The following CTNNA3 variants were observed in gnomAD, a reference collection of about 807,000 sequenced individuals.
CTNNA3 encodes catenin alpha 3, also known as catenin alpha-3.
Under a neutral mutation model 95.7 loss-of-function variants are expected in CTNNA3, and 76 were observed. The ratio of observed to expected loss-of-function variants is 0.79; its 90% CI spans 0.66 to 0.96. The LOEUF (loss-of-function observed/expected upper bound fraction) is 0.96. Ranked by LOEUF, CTNNA3 falls within the 40% of genes least tolerant of loss-of-function variation. The probability of loss-of-function intolerance (pLI) is 0.00; values close to 1 mark genes in which losing one functional copy is unlikely to be tolerated. For synonymous variants in CTNNA3, 431 were observed against 374.4 expected, an observed-to-expected ratio of 1.15 and a Z score of -1.74; for missense variants, 1,191 against 1,089.8, an observed-to-expected ratio of 1.09 and a Z score of -1.31.
In CTNNA3 at chr10:66,697,682, A is replaced by C. The variant is rs564742772; in HGVS notation, c.1281+68582T>G. ...GTCTATGAATTTCAAAATGGGTATAAATTAAAACTTATTACACTTTTTTTA... is the reference window on the plus strand; with the variant it reads ...GTCTATGAATTTCAAAATGGGTATACATTAAAACTTATTACACTTTTTTTA... On this transcript the variant is annotated intron_variant, in intron 9 of 17. Transcript: ENST00000433211. Among the ~76,000 whole-genome samples the C allele has an allele frequency of 3.7e-3, 563 of 152,280 alleles. 3 individuals carry two copies. Among genetic ancestry groups the C allele is most frequent in the Non-Finnish European group, 6.6e-3 (450 of 68,006 alleles).
intron 5 of CTNNA3, among the ~76,000 whole-genome samples, chr10:67,444,298 T>G (rs1329414482): frequency 6.6e-6 from 1 of 152,078 alleles, no homozygotes; most frequent in Non-Finnish European, 1.5e-5. Context: ...GAATGACTAG[T>G]GGGTCAATGA....
At chr10:66,206,419 G>C (rs1467918873) in intron 13 of CTNNA3, among the ~76,000 whole-genome samples, 1 of 151,786 alleles carries the variant, frequency 6.6e-6, no homozygotes, top group African/African-American at 2.4e-5. Context: ...AATTTCGTGG[G>C]ACAACACTCA....
intron 17 of CTNNA3, among the ~76,000 whole-genome samples, chr10:65,953,434 G>C (rs551789423): frequency 2.7e-5 from 4 of 150,720 alleles, no homozygotes; most frequent in Non-Finnish European, 1.5e-5. Flanking sequence ...TGTGCACAAT[G>C]TGCAGGTTTG....
intron 10 of CTNNA3, among the ~76,000 whole-genome samples, chr10:66,606,269 A>C (rs991995809): frequency 1.3e-5 from 2 of 152,172 alleles, no homozygotes; most frequent in Non-Finnish European, 2.9e-5. Context: ...CCAGATTCAC[A>C]AAAGAAAGTT....
At chr10:66,913,441 A>G (rs559049505) in intron 7 of CTNNA3, among the ~76,000 whole-genome samples, 6 of 152,168 alleles carry the variant, frequency 3.9e-5, no homozygotes, top group African/African-American at 1.4e-4. Flanking sequence ...TTCCAGTATC[A>G]TCTGCCATGC....
intron 11 of CTNNA3, among the ~76,000 whole-genome samples, chr10:66,430,414 T>C (rs953614503): frequency 6.6e-6 from 1 of 152,144 alleles, no homozygotes; most frequent in African/African-American, 2.4e-5. Context: ...TTAAAGTTCA[T>C]ATGGAACCAA....
intron 12 of CTNNA3, among the ~76,000 whole-genome samples, chr10:66,319,267 A>C (rs1422747923): frequency 6.6e-6 from 1 of 152,044 alleles, no homozygotes; most frequent in East Asian, 1.9e-4. Context: ...TGAGAAAAAC[A>C]CTCTTGGAGT....
chr10:66,041,439 T>G (rs1305052692), intron 15 of CTNNA3, among the ~76,000 whole-genome samples: 1 of 152,232 alleles, frequency 6.6e-6, no homozygotes, highest in African/African-American at 2.4e-5. Flanking sequence ...TTGATCACTG[T>G]ACTATGGTTA....
At chr10:67,419,465 T>C (rs1845668317) in intron 5 of CTNNA3, among the ~76,000 whole-genome samples, 1 of 151,794 alleles carries the variant, frequency 6.6e-6, no homozygotes, top group African/African-American at 2.4e-5. Context: ...GTCACCCTGG[T>C]AGTGAGCATA....
chr10:66,499,123 T>A (rs1419333321), intron 11 of CTNNA3, among the ~76,000 whole-genome samples: 1 of 152,158 alleles, frequency 6.6e-6, no homozygotes, highest in Admixed American at 6.6e-5. Context: ...GTTTTGCTTG[T>A]TTCCCCCTAC....
chr10:67,262,170 A>G (rs1589102359), intron 5 of CTNNA3, among the ~76,000 whole-genome samples: 1 of 152,220 alleles, frequency 6.6e-6, no homozygotes, highest in African/African-American at 2.4e-5. Context: ...AATTATTATT[A>G]TAAGCCACAA....
At chr10:66,786,605 G>A (rs996329243) in intron 7 of CTNNA3, among the ~76,000 whole-genome samples, 5 of 152,136 alleles carry the variant, frequency 3.3e-5, no homozygotes, top group Non-Finnish European at 7.4e-5. Context: ...TGACTTTTCA[G>A]CCAGGGTGAA....
intron 7 of CTNNA3, among the ~76,000 whole-genome samples, chr10:67,025,936 T>C (rs1023850347): frequency 6.7e-6 from 1 of 148,812 alleles, no homozygotes; most frequent in Non-Finnish European, 1.5e-5. Context: ...CCATAAAAAA[T>C]GATGAGTTCA....
intron 5 of CTNNA3, among the ~76,000 whole-genome samples, chr10:67,442,835 T>C (rs1318834265): frequency 1.3e-5 from 2 of 151,888 alleles, no homozygotes; most frequent in African/African-American, 4.8e-5. Context: ...AGGGTACATG[T>C]GCACAATGTG....
intron 15 of CTNNA3, among the ~76,000 whole-genome samples, chr10:66,028,225 A>T (rs994351634): frequency 5.3e-5 from 8 of 152,186 alleles, no homozygotes; most frequent in African/African-American, 1.9e-4. Context: ...ATACCATTTG[A>T]CCCAGCCATC....
At chr10:67,531,750 T>A (rs1430974067) in intron 4 of CTNNA3, among the ~76,000 whole-genome samples, 1 of 152,170 alleles carries the variant, frequency 6.6e-6, no homozygotes, top group Non-Finnish European at 1.5e-5. Flanking sequence ...GGGGGCAGAA[T>A]GATATAGTTT....
chr10:66,829,607 T>C (rs1842639884), intron 7 of CTNNA3, among the ~76,000 whole-genome samples: 1 of 103,030 alleles, frequency 9.7e-6, no homozygotes, highest in Non-Finnish European at 2.1e-5. Context: ...AGTGAGACTC[T>C]GTCTCAAAAA....
intron 5 of CTNNA3, among the ~76,000 whole-genome samples, chr10:67,379,552 C>G (rs1033072162): frequency 1.3e-5 from 2 of 152,160 alleles, no homozygotes; most frequent in African/African-American, 4.8e-5. Flanking sequence ...CATCACATTG[C>G]TTTTCCCAAA....
intron 5 of CTNNA3, among the ~76,000 whole-genome samples, chr10:67,226,151 T>C (rs1225886843): frequency 6.6e-6 from 1 of 152,090 alleles, no homozygotes; most frequent in African/African-American, 2.4e-5. Flanking sequence ...GGTCTTCAAA[T>C]TAACCCAATC....
Sources: allele counts gnomAD v4.1 joint callset (sites outside exome capture counted in the v4.1 genomes callset), GRCh38; gene constraint gnomAD v4.1.1; transcripts MANE v1.5; gene names NCBI Gene and HGNC (gene_info 2026-07-23, HGNC 2026-07-21).